PRSS23: variants seen among roughly 807,000 people sequenced by gnomAD.
The protein encoded by PRSS23 is protease, serine 23.
PRSS23 carries 25 observed loss-of-function variants against 34.7 expected under a neutral mutation model. That is an observed-to-expected ratio of 0.72 (90% CI 0.53 to 1.01). PRSS23 has a LOEUF of 1.01. PRSS23 is among the 50% of genes least tolerant of loss of function. The pLI is 0.00. For synonymous variants in PRSS23, 176 were observed against 186.6 expected (o/e 0.94, Z 0.46); for missense variants, 445 against 475.6 (o/e 0.94, Z 0.60).
At position 86,808,544 on chromosome 11, in the gene PRSS23, A is replaced by G; in HGVS notation, c.901A>G (p.Thr301Ala). 2 of 1,614,196 alleles carry G rather than the reference A, an allele frequency of 1.2e-6. No homozygotes were observed. The highest frequency in any genetic ancestry group is 1.1e-5 in the South Asian group (1 of 91,082). The change falls in exon 2 of 2, where the codon ACC (threonine) becomes GCC (alanine). Residue 301 changes from threonine (T) to alanine (A), a missense_variant. Thr to Ala is a moderately conservative substitution (Grantham distance 58). Transcript: ENST00000280258. ...TCGCTTCTGTGACGTCAAAGACGAG[A>G]CCTATGACTTGCTCTACCAGCAATG... ...VYRFCDVKDE[T>A]YDLLYQQCDA...
intron 1 of PRSS23, among the ~76,000 whole-genome samples, chr11:86,793,502 A>C (rs1947964004): frequency 6.6e-6 from 1 of 152,210 alleles, no homozygotes; most frequent in Non-Finnish European, 1.5e-5. Context: ...TAGCGTGAGT[A>C]GTGAAATGTA....
At chr11:86,878,608 C>G (rs1041646427) in intron 2 of PRSS23, among the ~76,000 whole-genome samples, 2 of 152,048 alleles carry the variant, frequency 1.3e-5, no homozygotes, top group African/African-American at 4.8e-5. Context: ...GATCTCGGCT[C>G]GCTACAACCT....
chr11:86,939,381 CTATTT>C (rs1949186069), intron 2 of PRSS23, among the ~76,000 whole-genome samples: 2 of 80,746 alleles, frequency 2.5e-5, no homozygotes, highest in Non-Finnish European at 6.4e-5. Flanking sequence ...TCCAGTGTTC[CTATTT>C]CTCAGTTAAA....
chr11:86,884,181 G>C (rs1178480230), intron 2 of PRSS23, among the ~76,000 whole-genome samples: 1 of 151,936 alleles, frequency 6.6e-6, no homozygotes, highest in Non-Finnish European at 1.5e-5. Flanking sequence ...CTCTATACTG[G>C]CTACTCTCAT....
chr11:86,860,117 C>T (rs1344221703), intron 2 of PRSS23, among the ~76,000 whole-genome samples: 1 of 151,600 alleles, frequency 6.6e-6, no homozygotes, highest in African/African-American at 2.4e-5. Context: ...GATGATATTG[C>T]TCCCAATATC....
At chr11:86,928,707 T>TATATATATAAATATATATATATATATA (rs59624601) in intron 2 of PRSS23, among the ~76,000 whole-genome samples, 1 of 65,876 alleles carries the variant, frequency 1.5e-5, no homozygotes, top group African/African-American at 5.5e-5. Context: ...AAAAAAAAAA[T>TATATATATAAATATATATATATATATA]TGGCAAGACA....
At chr11:86,816,333 G>A (rs1489694829) in intron 1 of PRSS23, among the ~76,000 whole-genome samples, 1 of 152,164 alleles carries the variant, frequency 6.6e-6, no homozygotes, top group Non-Finnish European at 1.5e-5. Flanking sequence ...GGGTGTTCAT[G>A]CGTCTTCTCC....
chr11:86,813,418 G>C (rs373246792), downstream of PRSS23, among the ~76,000 whole-genome samples: 60 of 152,296 alleles, frequency 3.9e-4, 1 homozygote, highest in African/African-American at 1.3e-3. Flanking sequence ...AGTTCAAAAA[G>C]ATAGATTCCA....
At chr11:86,934,598 A>G (rs1949148891) in intron 2 of PRSS23, 1 of 152,142 alleles carries the variant, frequency 6.6e-6, no homozygotes, top group South Asian at 2.1e-4. Context: ...TTTCTTATGG[A>G]TTTTTTATTG....
At chr11:86,857,530 G>A in intron 2 of PRSS23, 1 of 464,704 alleles carries the variant, frequency 2.2e-6, no homozygotes, top group South Asian at 1.6e-5. Context: ...CAATCCAGCT[G>A]TGCAGCTGGG....
chr11:86,900,112 C>T (rs1337549880), intron 2 of PRSS23, among the ~76,000 whole-genome samples: 1 of 152,170 alleles, frequency 6.6e-6, no homozygotes, highest in East Asian at 1.9e-4. Flanking sequence ...GGACATGTTT[C>T]CTGAGATACT....
At chr11:86,821,305 A>C in intron 1 of PRSS23, 1 of 599,948 alleles carries the variant, frequency 1.7e-6, no homozygotes, top group Non-Finnish European at 2.8e-6. Flanking sequence ...ATATCTACCA[A>C]TGATGAAAAT....
chr11:86,939,391 GT>G, intron 2 of PRSS23, among the ~76,000 whole-genome samples: 1 of 32,242 alleles, frequency 3.1e-5, no homozygotes, highest in East Asian at 5.1e-4. Flanking sequence ...CTATTTCTCA[GT>G]TAAAAAAAAA....
intron 2 of PRSS23, among the ~76,000 whole-genome samples, chr11:86,878,848 A>G (rs943098322): frequency 6.6e-6 from 1 of 150,682 alleles, no homozygotes; most frequent in Non-Finnish European, 1.5e-5. Flanking sequence ...CATCCCGTCT[A>G]GGAAGTGAGG....
At chr11:86,927,936 C>T (rs917085171) in intron 2 of PRSS23, among the ~76,000 whole-genome samples, 5 of 149,548 alleles carry the variant, frequency 3.3e-5, no homozygotes, top group South Asian at 4.2e-4. Context: ...AGAGAAACTC[C>T]GTCTCAAAAA....
exon 3 of PRSS23, chr11:86,951,457 C>G (rs1949291436): frequency 6.2e-7 from 1 of 1,613,816 alleles, no homozygotes; most frequent in African/African-American, 1.3e-5. Flanking sequence ...TCTTGACCAT[C>G]AGTCTTTCTA....
intron 1 of PRSS23, among the ~76,000 whole-genome samples, chr11:86,804,765 T>A (rs1948079776): frequency 6.6e-6 from 1 of 152,230 alleles, no homozygotes; most frequent in Non-Finnish European, 1.5e-5. Context: ...TAATCATTCA[T>A]CATTTTGCCA....
At chr11:86,827,272 T>C (rs1237502307) in intron 2 of PRSS23, among the ~76,000 whole-genome samples, 1 of 152,240 alleles carries the variant, frequency 6.6e-6, no homozygotes, top group Admixed American at 6.5e-5. Flanking sequence ...TTTTCTAGTT[T>C]ATTTGCGTAG....
At chr11:86,879,568 G>A (rs1273435795) in intron 2 of PRSS23, among the ~76,000 whole-genome samples, 7 of 133,902 alleles carry the variant, frequency 5.2e-5, no homozygotes, top group African/African-American at 8.4e-5. Flanking sequence ...CCCCCCGCCC[G>A]GCCAGCCGCC....
Sources: gnomAD v4.1 joint callset for allele counts (sites outside exome capture counted in the v4.1 genomes callset) on GRCh38, gnomAD v4.1.1 for gene constraint, MANE v1.5 for transcripts, NCBI Gene and HGNC (gene_info 2026-07-23, HGNC 2026-07-21) for gene names.